SNX9: variants seen among roughly 807,000 people sequenced by gnomAD.
SNX9 encodes the protein sorting nexin 9, also known as sorting nexin-9.
Under a neutral mutation model 89.4 loss-of-function variants are expected in SNX9, and 44 were observed. The observed-to-expected ratio is 0.49, with a 90% CI of 0.39 to 0.63. The LOEUF is 0.63. SNX9 is among the 30% of genes least tolerant of loss of function. The pLI is 0.00. For missense variants in SNX9, 578 were observed against 736.1 expected, an observed-to-expected ratio of 0.79 and a Z score of 2.49; for synonymous variants, 236 against 247.8, an observed-to-expected ratio of 0.95 and a Z score of 0.45.
At position 157,926,548 on chromosome 6, in the gene SNX9, G is replaced by A. The variant is rs749720063; in HGVS notation, c.1081-563G>A. ...TGGAATCCCAGAACTTTTGGAGGCT[G>A]AGGTGGGCAGATTGCTTGAGCACAG... On this transcript the variant is annotated intron_variant, in intron 10 of 17. Coordinates refer to ENST00000392185, the MANE Select transcript of SNX9 (RefSeq NM_016224.5). Among the ~76,000 whole-genome samples the A allele has an allele frequency of 8.9e-4, 135 of 152,104 alleles. 1 individual carries two copies. Among genetic ancestry groups the A allele is most frequent in the Non-Finnish European group, 3.4e-4 (23 of 68,030 alleles).
intron 2 of SNX9, among the ~76,000 whole-genome samples, chr6:157,869,192 C>G (rs1304626104): frequency 6.6e-6 from 1 of 152,230 alleles, no homozygotes; most frequent in Non-Finnish European, 1.5e-5. Context: ...GTGTCCCTCC[C>G]CTCTCTGCCT....
Position 157,942,819 on chromosome 6 carries a change from G to T in SNX9, c.1769G>T (p.Ser590Ile), listed in dbSNP as rs768590310. The change falls in exon 18 of 18, where the codon AGC becomes ATC. Residue 590 changes from serine to isoleucine, a missense_variant. Ser to Ile is a moderately radical substitution (Grantham distance 142, BLOSUM62 -2). Transcript: ENST00000392185. ...GCAGAAAAGCTGAGGCAGGCCCTCA[G>T]CCGCTTTCCAGTGATGTAGGACAGA... is the stretch of plus-strand genomic sequence containing the variant. ...TIAEKLRQAL[S>I]RFPVM 10 of 1,613,980 alleles carry T rather than the reference G, an allele frequency of 6.2e-6. No individual in the cohort carries two copies. The South Asian group carries it at 1.1e-4, about 18-fold the overall frequency.
intron 17 of SNX9, among the ~76,000 whole-genome samples, 176 bp from the exon 18 acceptor site, chr6:157,942,615 T>C (rs3749844): frequency 0.26 from 38,957 of 152,214 alleles, 5,362 homozygotes; most frequent in African/African-American, 0.34. Flanking sequence ...GCTGCCGGTG[T>C]CATTCGGGGT....
intron 1 of SNX9, among the ~76,000 whole-genome samples, chr6:157,827,422 T>C (rs940015719): frequency 1.3e-4 from 3 of 22,866 alleles, no homozygotes; most frequent in East Asian, 9.5e-4. Flanking sequence ...TATTATAGTT[T>C]ATATAATATA....
intron 4 of SNX9, among the ~76,000 whole-genome samples, chr6:157,894,756 T>C (rs1274621297): frequency 6.6e-6 from 1 of 152,240 alleles, no homozygotes; most frequent in South Asian, 2.1e-4. Flanking sequence ...GGAATGTTAT[T>C]GCATTCTCTT....
intron 5 of SNX9, among the ~76,000 whole-genome samples, chr6:157,898,215 T>C (rs1353664326): frequency 6.6e-6 from 1 of 152,256 alleles, no homozygotes; most frequent in Non-Finnish European, 1.5e-5. Context: ...GTTGCCCTTA[T>C]TCACTAGTAG....
At chr6:157,927,360 G>T (rs183472160) in intron 11 of SNX9, 146 bp downstream of exon 11, 1 of 609,970 alleles carries the variant, frequency 1.6e-6, no homozygotes, top group South Asian at 2.0e-5. Context: ...AATGACAAGG[G>T]AAACATCATT....
Position 157,823,552 on chromosome 6 carries a change from G to T in SNX9, c.12+106G>T. On this transcript the variant is annotated intron_variant, in intron 1 of 17. Coordinates refer to ENST00000392185, the MANE Select transcript of SNX9 (RefSeq NM_016224.5). The surrounding 1 kb of genome is among the most constrained non-coding windows in gnomAD (Gnocchi z 4.6). ...AGGGTCGGGGCCAGGGGTGGTCGAG[G>T]GGCCACTCCGCTTCCTCGGTGGAGT... 1 of 973,392 alleles carries T rather than the reference G, an allele frequency of 1.0e-6. No homozygotes were observed. Among genetic ancestry groups the T allele is most frequent in the Non-Finnish European group, 1.3e-6 (1 of 775,590 alleles). 60.3% of individuals were successfully genotyped at this position (973,392 alleles called of 1,614,324 possible). A position where few individuals can be genotyped will look rare whatever the true frequency, so the allele number is the denominator to read the frequency against.
intron 1 of SNX9, among the ~76,000 whole-genome samples, chr6:157,832,847 G>A (rs889445414): frequency 6.6e-6 from 1 of 152,182 alleles, no homozygotes; most frequent in African/African-American, 2.4e-5. Context: ...GGGAGACACA[G>A]CCAAACCATA....
At chr6:157,852,435 C>T (rs1183465080) in intron 1 of SNX9, among the ~76,000 whole-genome samples, 1 of 152,146 alleles carries the variant, frequency 6.6e-6, no homozygotes, top group Admixed American at 6.5e-5. Flanking sequence ...CCCTCCCTTC[C>T]TCCTCTCGCT....
chr6:157,927,628 GT>G (rs1219109465), intron 11 of SNX9, among the ~76,000 whole-genome samples: 1 of 145,718 alleles, frequency 6.9e-6, no homozygotes, highest in East Asian at 2.2e-4. Flanking sequence ...TAATCATGTA[GT>G]TTTTTAAATG....
In SNX9 at chr6:157,834,270, C is replaced by T. The variant is rs186045324; in HGVS notation, c.12+10824C>T. On this transcript the variant is annotated intron_variant, in intron 1 of 17. Coordinates refer to ENST00000392185, the MANE Select transcript of SNX9 (RefSeq NM_016224.5). ...TGCAGCTCAACCTCCTGGGCTCCAG[C>T]GATCCTCTCACCTCAACATCCTGAG... 1.6e-4 allele frequency among the ~76,000 whole-genome samples: 24 copies of T among 147,740 alleles called. No individual in the cohort carries two copies. In the East Asian group the frequency reaches 4.6e-3, roughly 28 times the overall value.
intron 1 of SNX9, among the ~76,000 whole-genome samples, chr6:157,867,257 A>C (rs920702935): frequency 5.3e-5 from 8 of 152,188 alleles, no homozygotes; most frequent in African/African-American, 1.9e-4. Flanking sequence ...ACTCAACCAA[A>C]ATAGGTATAT....
intron 6 of SNX9, 79 bp downstream of exon 6, chr6:157,902,124 G>A (rs901237966): frequency 3.1e-6 from 4 of 1,289,632 alleles, no homozygotes; most frequent in African/African-American, 1.5e-5. Context: ...CTACCAAGAG[G>A]CAGCTGGCCT....
At chr6:157,837,532 A>T (rs1781610420) in intron 1 of SNX9, among the ~76,000 whole-genome samples, 1 of 152,218 alleles carries the variant, frequency 6.6e-6, no homozygotes, top group Non-Finnish European at 1.5e-5. Flanking sequence ...GTAAGTACCC[A>T]TACCTAATTT....
chr6:157,864,161 G>A (rs943510438), intron 1 of SNX9, among the ~76,000 whole-genome samples: 1 of 152,140 alleles, frequency 6.6e-6, no homozygotes, highest in Non-Finnish European at 1.5e-5. Context: ...TTCCAAGATG[G>A]CGCCTTGAGT....
chr6:157,937,670 C>T (rs1783954100), intron 15 of SNX9, 147 bp downstream of exon 15: 3 of 620,930 alleles, frequency 4.8e-6, no homozygotes, highest in South Asian at 4.4e-5. Context: ...TGAATTTTGA[C>T]ATTGGTTTGG....
intron 4 of SNX9, among the ~76,000 whole-genome samples, chr6:157,893,070 T>G: frequency 6.6e-6 from 1 of 152,190 alleles, no homozygotes; most frequent in East Asian, 1.9e-4. Flanking sequence ...AGTTCTTATT[T>G]GAAAAAACTT....
At chr6:157,826,196 C>T (rs756417355) in intron 1 of SNX9, among the ~76,000 whole-genome samples, 3 of 152,074 alleles carry the variant, frequency 2.0e-5, no homozygotes, top group Non-Finnish European at 4.4e-5. Flanking sequence ...GACAGTCCTT[C>T]ACTGCTAAAG....
Sources: allele counts gnomAD v4.1 joint callset (sites outside exome capture counted in the v4.1 genomes callset), GRCh38; gene constraint gnomAD v4.1.1; non-coding constraint Gnocchi (gnomAD v3.1); transcripts MANE v1.5; gene names NCBI Gene and HGNC (gene_info 2026-07-23, HGNC 2026-07-21).